The following PRPF8 variants were observed in gnomAD, a reference collection of about 807,000 sequenced individuals.
PRPF8 encodes pre-mRNA processing factor 8.
A neutral mutation model predicts 285.9 loss-of-function variants in PRPF8; 64 were observed. That is an observed-to-expected ratio of 0.22 (90% CI 0.18 to 0.28). The LOEUF is 0.28. PRPF8 is among the 10% of genes least tolerant of loss of function. The pLI is 1.00. For missense variants in PRPF8, 1,426 were observed against 3,026.7 expected (o/e 0.47, Z 12.41); for synonymous variants, 1,325 against 1,118.2 (o/e 1.18, Z -3.69).
Position 1,676,850 on chromosome 17 carries a change from C to T in PRPF8, c.2181+126G>A, listed in dbSNP as rs1912626335. ...GGCCAGCCTAAGCAACATGGTGCTT[C>T]TTTTCCCTGTCTAAAAGGGAAAAGA... On this transcript the variant is annotated intron_variant, in intron 15 of 42. Transcript: ENST00000304992. The surrounding 1 kb of genome is among the most constrained non-coding windows in gnomAD (Gnocchi z 6.3). 1 of 1,478,424 alleles carries T rather than the reference C, an allele frequency of 6.8e-7. No individual in the cohort carries two copies. Among genetic ancestry groups the T allele is most frequent in the African/African-American group, 1.4e-5 (1 of 72,140 alleles). 91.6% of individuals were successfully genotyped at this position (1,478,424 alleles called of 1,614,324 possible). A position where few individuals can be genotyped will look rare whatever the true frequency, so the allele number is the denominator to read the frequency against.
chr17:1,658,143 A>T lies in PRPF8; in HGVS notation c.5505+110T>A. 6.5e-7 allele frequency: 1 copy of T among 1,527,332 alleles called. No homozygotes were observed. Among genetic ancestry groups the T allele is most frequent in the Non-Finnish European group, 9.0e-7 (1 of 1,113,818 alleles). The allele number at this position is 1,527,332 out of a possible 1,614,324, so 94.6% of individuals were successfully genotyped here. ...CAAGGTATTTTGGGGATAAGTTCAA[A>T]TGAGATGTTCTCAGCCTTTCATCTA... On this transcript the variant is annotated intron_variant, in intron 34 of 42. Transcript: ENST00000304992. The surrounding 1 kb of genome is among the most constrained non-coding windows in gnomAD (Gnocchi z 4.1).
At chr17:1,684,705 G>A (rs1453672204) in intron 1 of PRPF8, 75 bp downstream of exon 1, 1 of 911,688 alleles carries the variant, frequency 1.1e-6, no homozygotes, top group East Asian at 2.6e-5. Context: ...AGCCCCGCCC[G>A]GCCTAACCCC....
In PRPF8 at chr17:1,675,426, C is replaced by T. The variant is rs575373845; in HGVS notation, c.2873-87G>A. The stretch of plus-strand genomic sequence containing the variant: ...AGGAACTATCATTACCTTCCATAAC[C>T]AATCCCACTATGATTCCACGTATTC... On this transcript the variant is annotated intron_variant, in intron 19 of 42. Coordinates refer to ENST00000304992, the MANE Select transcript of PRPF8 (RefSeq NM_006445.4). This position sits in a 1 kb window ranked among gnomAD's most constrained non-coding sequence, Gnocchi z 6.0. 4 of 1,512,514 alleles carry T rather than the reference C, an allele frequency of 2.6e-6. No individual in the cohort carries two copies. The African/African-American group carries it at 4.1e-5, about 16-fold the overall frequency. The allele number at this position is 1,512,514 out of a possible 1,614,324, so 93.7% of individuals were successfully genotyped here. A position where few individuals can be genotyped will look rare whatever the true frequency, so the allele number is the denominator to read the frequency against.
Position 1,661,033 on chromosome 17 carries a change from A to G in PRPF8, c.4468T>C (p.Phe1490Leu). The change falls in exon 28 of 43, where the codon TTT becomes CTT. Residue 1490 changes from phenylalanine (F) to leucine (L), a missense_variant. Physicochemically the swap from Phe to Leu is conservative, Grantham distance 22 (BLOSUM62 0). Coordinates refer to ENST00000304992, the MANE Select transcript of PRPF8 (RefSeq NM_006445.4). This position sits in a 1 kb window ranked among gnomAD's most constrained non-coding sequence, Gnocchi z 7.3. ...CAGGTAGGGAAGTAAGTGCCCTTAA[A>G]GAGTGTGTGTTCCAGAATGCCTTCC... is the stretch of plus-strand genomic sequence containing the variant. ...GVEGILEHTLFKGTYFPTWEG... is the reference protein window; with the variant it reads ...GVEGILEHTLLKGTYFPTWEG... 6.2e-7 allele frequency: 1 copy of G among 1,614,164 alleles called. No individual in the cohort carries two copies. Among genetic ancestry groups the G allele is most frequent in the South Asian group, 1.1e-5 (1 of 91,082 alleles).
In PRPF8 at chr17:1,650,907, G is replaced by C; in HGVS notation, c.6903C>G (p.Pro2301=). The C allele has an allele frequency of 6.2e-7, 1 of 1,614,210 alleles. No individual in the cohort carries two copies. The highest frequency in any genetic ancestry group is 1.3e-5 in the African/African-American group (1 of 75,046). Reference sequence around the variant, plus strand: ...TGTGCACCTCGTGGTAGAACTCTTTGGGGTTCGCCAGCTGTAGCTCATATT... The same window carrying C: ...TGTGCACCTCGTGGTAGAACTCTTTCGGGTTCGCCAGCTGTAGCTCATATT... ...NMKYELQLAN[P]KEFYHEVHRP... The change falls in exon 43 of 43, where the codon CCC becomes CCG. Residue 2301 remains proline (P), a synonymous_variant. Transcript: ENST00000304992.
At position 1,658,521 on chromosome 17, in the gene PRPF8, C is replaced by T. The variant is rs766436204; in HGVS notation, c.5376+5G>A. 2 of 1,612,656 alleles carry T rather than the reference C, an allele frequency of 1.2e-6. No homozygotes were observed. Among genetic ancestry groups the T allele is most frequent in the Non-Finnish European group, 1.7e-6 (2 of 1,178,636 alleles). The stretch of plus-strand genomic sequence containing the variant: ...CCGCACCTATACACTGCTGCTAACA[C>T]TCACCTTGTGAATAGTCACTCTGTA... On this transcript the variant is annotated splice_donor_5th_base_variant and intron_variant, in intron 33 of 42. Coordinates refer to ENST00000304992, the MANE Select transcript of PRPF8 (RefSeq NM_006445.4). The surrounding 1 kb of genome is among the most constrained non-coding windows in gnomAD (Gnocchi z 4.1).
chr17:1,672,971 C>T (rs1912406989), intron 24 of PRPF8, 110 bp downstream of exon 24: 3 of 1,016,040 alleles, frequency 3.0e-6, no homozygotes, highest in Non-Finnish European at 4.7e-6. Context: ...AACTGGCACA[C>T]TAAGCAAAGA....
At chr17:1,681,784 C>T in intron 5 of PRPF8, 36 bp downstream of exon 5, 4 of 1,612,646 alleles carry the variant, frequency 2.5e-6, no homozygotes, top group African/African-American at 1.3e-5. Flanking sequence ...ATTTCCAGAA[C>T]TCCTCCCAGG....
Position 1,675,211 on chromosome 17 carries a change from C to G in PRPF8, c.3001G>C (p.Val1001Leu). The change falls in exon 20 of 43, where the codon GTG becomes CTG. Residue 1001 changes from valine (V) to leucine (L), a missense_variant. Val to Leu is a conservative substitution (Grantham distance 32). Coordinates refer to ENST00000304992, the MANE Select transcript of PRPF8 (RefSeq NM_006445.4). This position sits in a 1 kb window ranked among gnomAD's most constrained non-coding sequence, Gnocchi z 6.0. ...TLLNRLLRLI[V>L]DHNIADYMTA... Reference sequence around the variant, plus strand: ...ATGTAGTCGGCTATGTTGTGGTCCACGATGAGGCGCAGCAGCCTGTTGAGC... The same window carrying G: ...ATGTAGTCGGCTATGTTGTGGTCCAGGATGAGGCGCAGCAGCCTGTTGAGC... 1 of 1,614,134 alleles carries G rather than the reference C, an allele frequency of 6.2e-7. No homozygotes were observed. Among genetic ancestry groups the G allele is most frequent in the Non-Finnish European group, 8.5e-7 (1 of 1,180,026 alleles).
rs141736972 is a variant in PRPF8 at position 1,676,595 on chromosome 17, A to G, written c.2298T>C (p.Thr766=). 104 of 1,613,908 alleles carry G rather than the reference A, an allele frequency of 6.4e-5. No individual in the cohort carries two copies. In the African/African-American group the frequency reaches 1.3e-3, roughly 20 times the overall value. ...YNRERIRRGA[T]VDKTVCKKNL... Reference sequence around the variant, plus strand: ...TCTTTTTACAAACAGTCTTGTCCACAGTGGCCCCTCGGCGGATCCGTTCTC... The same window carrying G: ...TCTTTTTACAAACAGTCTTGTCCACGGTGGCCCCTCGGCGGATCCGTTCTC... The change falls in exon 16 of 43, where the codon ACT becomes ACC. Residue 766 remains threonine, a synonymous_variant. Transcript: ENST00000304992. The surrounding 1 kb of genome is among the most constrained non-coding windows in gnomAD (Gnocchi z 6.3).
rs146929391 is a variant in PRPF8 at position 1,682,223 on chromosome 17, G to C, written c.340C>G (p.Arg114Gly). 3 of 1,613,970 alleles carry C rather than the reference G, an allele frequency of 1.9e-6. No homozygotes were observed. Among genetic ancestry groups the C allele is most frequent in the African/African-American group, 2.7e-5 (2 of 74,890 alleles). Reference sequence around the variant, plus strand: ...ATGTGGTACAGCACAGGCACATCCCGAATCTGCTCCCAAGGCATAGGCATG... The same window carrying C: ...ATGTGGTACAGCACAGGCACATCCCCAATCTGCTCCCAAGGCATAGGCATG... The part of the protein sequence containing the change: ...ENMPMPWEQI[R>G]DVPVLYHITG... Residue 114 changes from arginine (R) to glycine (G), a missense_variant, in exon 4 of 43, where the codon CGG (arginine) becomes GGG (glycine). Arg to Gly is a moderately radical substitution (Grantham distance 125). This residue lies in a region of PRPF8 where 96 missense variants were observed against 188.3 expected (regional missense o/e 0.51). Coordinates refer to ENST00000304992, the MANE Select transcript of PRPF8 (RefSeq NM_006445.4).
rs1912596146 is a variant in PRPF8, at chr17:1,676,224, C to T, written c.2535G>A (p.Arg845=). ...DTKLLILALE[R]LKEAYSVKSR... The stretch of plus-strand genomic sequence containing the variant: ...CTACTCACCTATAAGCTTCCTTGAG[C>T]CGCTCCAATGCCAAGATGAGCAACT... The change falls in exon 17 of 43, where the codon CGG becomes CGA. Residue 845 remains arginine, a synonymous_variant. Transcript: ENST00000304992. This position sits in a 1 kb window ranked among gnomAD's most constrained non-coding sequence, Gnocchi z 6.3. 1.2e-6 allele frequency: 2 copies of T among 1,613,798 alleles called. No homozygotes were observed. Among genetic ancestry groups the T allele is most frequent in the East Asian group, 4.5e-5 (2 of 44,882 alleles).
At chr17:1,655,909 G>A in intron 36 of PRPF8, among the ~76,000 whole-genome samples, 1 of 145,268 alleles carries the variant, frequency 6.9e-6, no homozygotes, top group East Asian at 2.0e-4. Flanking sequence ...ACAGGCGTGA[G>A]CCACTGCGCC....
At chr17:1,677,505 C>T (rs1247799267) in intron 14 of PRPF8, 60 bp downstream of exon 14, 1 of 1,612,898 alleles carries the variant, frequency 6.2e-7, no homozygotes, top group Non-Finnish European at 8.5e-7. Context: ...CAGACTCAAA[C>T]AGGGGCAGGT....
At chr17:1,668,045 C>T (rs1597238500) in intron 24 of PRPF8, among the ~76,000 whole-genome samples, 3 of 152,208 alleles carry the variant, frequency 2.0e-5, no homozygotes, top group Non-Finnish European at 2.9e-5. Context: ...TCACAAAAGC[C>T]GTCTGACCTA....
chr17:1,679,035 C>T lies in PRPF8; in HGVS notation c.1581G>A (p.Val527=). 1 of 1,614,178 alleles carries T rather than the reference C, an allele frequency of 6.2e-7. No homozygotes were observed. Among genetic ancestry groups the T allele is most frequent in the Non-Finnish European group, 8.5e-7 (1 of 1,180,044 alleles). ...CAGGCACCTTGGTGGTGAGCGTTTT[C>T]ACAGGCTTGAGGTTGAAGTTGTAGT... ...HLDYNFNLKP[V]KTLTTKERKK... The change falls in exon 11 of 43, where the codon GTG becomes GTA. Residue 527 remains valine, a synonymous_variant. Transcript: ENST00000304992. This position sits in a 1 kb window ranked among gnomAD's most constrained non-coding sequence, Gnocchi z 4.7.
Position 1,651,854 on chromosome 17 carries a change from C to T in PRPF8, c.6370-66G>A. 1.3e-6 allele frequency: 2 copies of T among 1,565,080 alleles called. No homozygotes were observed. Among genetic ancestry groups the T allele is most frequent in the South Asian group, 2.2e-5 (2 of 90,058 alleles). Reference sequence around the variant, plus strand: ...CCAGGTCAGAGTTGGAGCTGCCAGCCCTCTGTTTCCTTCCTTCCCCCAAGA... The same window carrying T: ...CCAGGTCAGAGTTGGAGCTGCCAGCTCTCTGTTTCCTTCCTTCCCCCAAGA... On this transcript the variant is annotated intron_variant, in intron 39 of 42. Transcript: ENST00000304992. The surrounding 1 kb of genome is among the most constrained non-coding windows in gnomAD (Gnocchi z 5.1).
chr17:1,655,004 G>A, intron 37 of PRPF8: 1 of 268,134 alleles, frequency 3.7e-6, no homozygotes, highest in Non-Finnish European at 7.3e-6. Flanking sequence ...TGTCGCCCAG[G>A]CTGGAGTGCA....
Position 1,661,539 on chromosome 17 carries a change from C to T in PRPF8, c.4202+72G>A, listed in dbSNP as rs566189344. 75 of 1,609,886 alleles carry T rather than the reference C, an allele frequency of 4.7e-5. No individual in the cohort carries two copies. The South Asian group carries it at 7.5e-4, about 16-fold the overall frequency. Reference sequence around the variant, plus strand: ...CCATACAACCATGGCATGCTCTGACCCTGAACTCCACACGGTTCAAAGGCC... The same window carrying T: ...CCATACAACCATGGCATGCTCTGACTCTGAACTCCACACGGTTCAAAGGCC... On this transcript the variant is annotated intron_variant, in intron 26 of 42. Transcript: ENST00000304992. The surrounding 1 kb of genome is among the most constrained non-coding windows in gnomAD (Gnocchi z 7.3).
Sources: gnomAD v4.1 joint callset for allele counts (sites outside exome capture counted in the v4.1 genomes callset) on GRCh38, gnomAD v4.1.1 for gene constraint, gnomAD v4.1.1 regional missense constraint, Gnocchi (gnomAD v3.1) non-coding constraint, MANE v1.5 for transcripts, NCBI Gene and HGNC (gene_info 2026-07-23, HGNC 2026-07-21) for gene names.